Variants in SYT6 observed in about 807,000 individuals in gnomAD.
SYT6 encodes the protein synaptotagmin 6.
A neutral mutation model predicts 38.4 loss-of-function variants in SYT6; 24 were observed. The ratio of observed to expected loss-of-function variants is 0.62; its 90% CI spans 0.45 to 0.88. The LOEUF (loss-of-function observed/expected upper bound fraction) is 0.88, where lower values mean the gene tolerates loss of function less well. Among genes scored for constraint, SYT6 ranks in the 40% least tolerant of loss-of-function variants. SYT6 has a pLI of 0.00. For missense variants in SYT6, 611 were observed against 621.0 expected (o/e 0.98, Z 0.17); for synonymous variants, 265 against 241.9 (o/e 1.10, Z -0.89).
At chr1:114,101,455 G>A (rs1675964253) in intron 4 of SYT6, among the ~76,000 whole-genome samples, 1 of 152,122 alleles carries the variant, frequency 6.6e-6, no homozygotes, top group African/African-American at 2.4e-5. Flanking sequence ...TCAAAATCCA[G>A]CATTTAGAAT....
At chr1:114,140,142 C>T (rs531433231) in intron 1 of SYT6, among the ~76,000 whole-genome samples, 179 bp from the exon 2 acceptor site, 2 of 152,166 alleles carry the variant, frequency 1.3e-5, no homozygotes, top group East Asian at 3.9e-4. Flanking sequence ...TCTTGATTGT[C>T]CACTTGGTGG....
chr1:114,124,360 C>T (rs2101048817), intron 3 of SYT6, among the ~76,000 whole-genome samples: 1 of 152,236 alleles, frequency 6.6e-6, no homozygotes, highest in East Asian at 1.9e-4. Context: ...AACTGAGCTA[C>T]ACCTGGGGAT....
intron 3 of SYT6, among the ~76,000 whole-genome samples, chr1:114,118,049 T>A (rs997433166): frequency 6.6e-6 from 1 of 151,934 alleles, no homozygotes; most frequent in Non-Finnish European, 1.5e-5. Flanking sequence ...CCAAACTGCA[T>A]CCTGACAATG....
At chr1:114,112,006 T>G (rs1676714722) in intron 3 of SYT6, among the ~76,000 whole-genome samples, 1 of 152,118 alleles carries the variant, frequency 6.6e-6, no homozygotes, top group Non-Finnish European at 1.5e-5. Context: ...AAGGGTGGGA[T>G]GTGTCTGTTG....
rs1201164048 is a variant in SYT6 at position 114,091,931 on chromosome 1, C to G, written c.*203G>C. The G allele has an allele frequency of 1.4e-6, 2 of 1,447,472 alleles. No individual in the cohort carries two copies. Among genetic ancestry groups the G allele is most frequent in the Non-Finnish European group, 1.9e-6 (2 of 1,070,612 alleles). The allele number at this position is 1,447,472 out of a possible 1,614,324, so 89.7% of individuals were successfully genotyped here. Reference sequence around the variant, plus strand: ...GCTGCCGCTGCTGCCGCCACTGCGACTGCACAACACTGTTTAGACGGTTGA... The same window carrying G: ...GCTGCCGCTGCTGCCGCCACTGCGAGTGCACAACACTGTTTAGACGGTTGA... On this transcript the variant is annotated 3_prime_UTR_variant, in exon 8 of 8. Transcript: ENST00000610222.
chr1:114,130,907 A>AC (rs1388597133), intron 3 of SYT6, among the ~76,000 whole-genome samples: 3 of 152,132 alleles, frequency 2.0e-5, no homozygotes, highest in African/African-American at 4.8e-5. Flanking sequence ...GGGAGGCTTC[A>AC]CCCCCGGGTG....
At chr1:114,131,399 C>A (rs1557757950) in intron 3 of SYT6, among the ~76,000 whole-genome samples, 1 of 152,200 alleles carries the variant, frequency 6.6e-6, no homozygotes, top group Admixed American at 6.5e-5. Flanking sequence ...CATAGCCTGG[C>A]CTAAAACTTT....
At chr1:114,138,112 G>C in intron 2 of SYT6, 59 bp from the exon 3 acceptor site, 1 of 1,514,470 alleles carries the variant, frequency 6.6e-7, no homozygotes, top group Admixed American at 2.0e-5. Flanking sequence ...GAAGGGGGAT[G>C]AAGGCAAACA....
In SYT6 at chr1:114,135,423, G is replaced by C. The variant is rs138324052; in HGVS notation, c.1071+2072C>G. Among the ~76,000 whole-genome samples the C allele has an allele frequency of 6.0e-3, 917 of 152,288 alleles. 9 individuals carry two copies. The highest frequency in any genetic ancestry group is 0.021 in the African/African-American group (880 of 41,550). On this transcript the variant is annotated intron_variant, in intron 3 of 7. Transcript: ENST00000610222. ...CAAGTTTCTGTGGGTCAAAGAAGCTGTTTTCTACCCCAGCCCCACCCTCAA... is the reference window on the plus strand; with the variant it reads ...CAAGTTTCTGTGGGTCAAAGAAGCTCTTTTCTACCCCAGCCCCACCCTCAA...
At chr1:114,103,051 T>A (rs1676063110) in intron 4 of SYT6, among the ~76,000 whole-genome samples, 1 of 152,252 alleles carries the variant, frequency 6.6e-6, no homozygotes, top group South Asian at 2.1e-4. Flanking sequence ...CTCTTGGTGC[T>A]GAGGCTGAGG....
chr1:114,128,655 A>G (rs1455574774), intron 3 of SYT6, among the ~76,000 whole-genome samples: 1 of 152,180 alleles, frequency 6.6e-6, no homozygotes, highest in African/African-American at 2.4e-5. Context: ...GCCAGTTCTC[A>G]GTCTGCATCT....
At position 114,093,932 on chromosome 1, in the gene SYT6, T is replaced by C; in HGVS notation, c.1516-129A>G. The C allele has an allele frequency of 3.5e-6, 3 of 850,184 alleles. No homozygotes were observed. In the South Asian group the frequency reaches 4.6e-5, roughly 13 times the overall value. 52.7% of individuals were successfully genotyped at this position (850,184 alleles called of 1,614,324 possible). On this transcript the variant is annotated intron_variant, in intron 6 of 7. Coordinates refer to ENST00000610222, the MANE Select transcript of SYT6 (RefSeq NM_001253772.2). ...GCTCTTATTTAACAGACCTTCATTT[T>C]AGGAGTTCTACTTTTCTGTTACAAC...
At chr1:114,097,211 T>C (rs1675688592) in intron 6 of SYT6, among the ~76,000 whole-genome samples, 1 of 152,188 alleles carries the variant, frequency 6.6e-6, no homozygotes, top group Non-Finnish European at 1.5e-5. Context: ...GCGTGACACC[T>C]TGAGGCCATG....
chr1:114,105,735 C>T (rs1010336308), intron 3 of SYT6, among the ~76,000 whole-genome samples: 1 of 152,210 alleles, frequency 6.6e-6, no homozygotes, highest in Non-Finnish European at 1.5e-5. Context: ...GGTTTACAAG[C>T]CTTGCCAGCT....
chr1:114,135,239 A>G (rs1237852891), intron 3 of SYT6, among the ~76,000 whole-genome samples: 1 of 152,034 alleles, frequency 6.6e-6, no homozygotes, highest in African/African-American at 2.4e-5. Context: ...CGAGTTATTT[A>G]TAACTGTCCT....
chr1:114,094,011 C>A (rs1423367781), intron 6 of SYT6, among the ~76,000 whole-genome samples: 1 of 152,144 alleles, frequency 6.6e-6, no homozygotes, highest in Non-Finnish European at 1.5e-5. Context: ...CCTGAGTAAG[C>A]ATGCCACTTA....
intron 4 of SYT6, among the ~76,000 whole-genome samples, chr1:114,101,157 G>A (rs1018420047): frequency 1.3e-5 from 2 of 152,038 alleles, no homozygotes; most frequent in Non-Finnish European, 2.9e-5. Context: ...CGAGTAGCTG[G>A]GATTACAGGC....
chr1:114,130,930 A>C (rs2101068124), intron 3 of SYT6, among the ~76,000 whole-genome samples: 1 of 152,372 alleles, frequency 6.6e-6, no homozygotes, highest in South Asian at 2.1e-4. Flanking sequence ...TTAATGAGTC[A>C]CAGTGGATCA....
At chr1:114,128,668 C>A (rs762633656) in intron 3 of SYT6, among the ~76,000 whole-genome samples, 1 of 152,206 alleles carries the variant, frequency 6.6e-6, no homozygotes, top group Non-Finnish European at 1.5e-5. Flanking sequence ...CTGCATCTTA[C>A]TTGATTGGTC....
Sources: gnomAD v4.1 joint callset for allele counts (sites outside exome capture counted in the v4.1 genomes callset) on GRCh38, gnomAD v4.1.1 for gene constraint, MANE v1.5 for transcripts, NCBI Gene and HGNC (gene_info 2026-07-23, HGNC 2026-07-21) for gene names.